The following ATM variants were observed in gnomAD, a reference collection of about 807,000 sequenced individuals.
The protein encoded by ATM is serine-protein kinase ATM.
In ATM, 308 loss-of-function variants were observed where a neutral mutation model predicts 387.0. That is an observed-to-expected ratio of 0.80 (90% confidence interval 0.73 to 0.87). The LOEUF is 0.87. ATM is among the 40% of genes least tolerant of loss of function. The probability of loss-of-function intolerance (pLI) is 0.00; values close to 1 mark genes in which losing one functional copy is unlikely to be tolerated. For missense variants in ATM, 3,312 were observed against 3,560.9 expected (o/e 0.93, Z 1.78); for synonymous variants, 1,156 against 1,187.3 (o/e 0.97, Z 0.54).
intron 9 of ATM, 96 bp from the exon 10 acceptor site, chr11:108,250,605 A>T (rs1261026516): frequency 6.9e-6 from 9 of 1,302,900 alleles, no homozygotes; most frequent in Non-Finnish European, 9.7e-6. Flanking sequence ...TGATTCTCTA[A>T]TTAGGATATT....
intron 47 of ATM, among the ~76,000 whole-genome samples, chr11:108,327,110 G>A (rs1427353194): frequency 1.3e-5 from 2 of 152,182 alleles, no homozygotes; most frequent in Non-Finnish European, 1.5e-5. Flanking sequence ...TTACAGGCGT[G>A]AGCCACCACG....
At chr11:108,250,164 ATT>A (rs914476071) in intron 9 of ATM, among the ~76,000 whole-genome samples, 7 of 126,710 alleles carry the variant, frequency 5.5e-5, no homozygotes, top group African/African-American at 2.2e-4. Context: ...ATATATATAT[ATT>A]TTCTGAGACG....
chr11:108,367,334 T>A lies in ATM; in HGVS notation c.*1826T>A. On this transcript the variant is annotated 3_prime_UTR_variant, in exon 63 of 63. Coordinates refer to ENST00000675843, the MANE Select transcript of ATM (RefSeq NM_000051.4). The stretch of plus-strand genomic sequence containing the variant: ...TAAGGATTTCCCCTTTCTTGTAAGT[T>A]CTGCTATGTATTTAAAAGAATGTTT... 5.4e-6 allele frequency: 1 copy of A among 184,960 alleles called. No homozygotes were observed. The highest frequency in any genetic ancestry group is 1.1e-5 in the Non-Finnish European group (1 of 87,226). The allele number at this position is 184,960 out of a possible 1,614,324, so 11.5% of individuals were successfully genotyped here. A position where few individuals can be genotyped will look rare whatever the true frequency, so the allele number is the denominator to read the frequency against.
chr11:108,340,261 CAT>C (rs1470422979), intron 56 of ATM: 1 of 152,198 alleles, frequency 6.6e-6, no homozygotes. Flanking sequence ...GTTACCAACT[CAT>C]GGACAATTTT....
chr11:108,314,537 C>T (rs1446002560), intron 40 of ATM, among the ~76,000 whole-genome samples: 3 of 151,738 alleles, frequency 2.0e-5, no homozygotes, highest in Admixed American at 6.6e-5. Context: ...CAATTCTTCT[C>T]GGGTAGACTA....
intron 54 of ATM, among the ~76,000 whole-genome samples, chr11:108,334,703 T>C (rs1040792955): frequency 2.0e-5 from 3 of 152,196 alleles, no homozygotes; most frequent in Non-Finnish European, 4.4e-5. Context: ...GAAAACTCCT[T>C]CTACTGTTTT....
At chr11:108,342,424 A>AATAT (rs980530405) in intron 56 of ATM, among the ~76,000 whole-genome samples, 9 of 152,346 alleles carry the variant, frequency 5.9e-5, no homozygotes, top group African/African-American at 2.2e-4. Flanking sequence ...ATATACATAT[A>AATAT]GTATCCTAAT....
intron 4 of ATM, among the ~76,000 whole-genome samples, chr11:108,233,750 C>T (rs538201898): frequency 2.0e-5 from 3 of 151,894 alleles, no homozygotes; most frequent in South Asian, 4.2e-4. Context: ...GGGAGGCTGA[C>T]ATGGGTAGAT....
intron 18 of ATM, 55 bp downstream of exon 18, chr11:108,268,664 A>T: frequency 6.5e-7 from 1 of 1,543,882 alleles, no homozygotes; most frequent in Non-Finnish European, 8.9e-7. Flanking sequence ...TGCTGACTAA[A>T]TGTAATGAGT....
At position 108,260,392 on chromosome 11, in the gene ATM, A is replaced by G. The variant is rs923985045; in HGVS notation, c.2466+1317A>G. Among the ~76,000 whole-genome samples, 13 of 152,304 alleles carry G rather than the reference A, an allele frequency of 8.5e-5. 1 individual carries two copies. In the South Asian group the frequency reaches 2.7e-3, roughly 32 times the overall value. ...AGTGGTTTCTAGTTTTTTGGGTTACAAAGACTTCTGTGGTACAGATTATTG... is the reference window on the plus strand; with the variant it reads ...AGTGGTTTCTAGTTTTTTGGGTTACGAAGACTTCTGTGGTACAGATTATTG... On this transcript the variant is annotated intron_variant, in intron 16 of 62. Coordinates refer to ENST00000675843, the MANE Select transcript of ATM (RefSeq NM_000051.4).
intron 42 of ATM, among the ~76,000 whole-genome samples, chr11:108,316,909 G>T (rs2084713051): frequency 6.6e-6 from 1 of 151,842 alleles, no homozygotes; most frequent in Non-Finnish European, 1.5e-5. Context: ...CTGGGCAATA[G>T]AGCGAGACTC....
intron 31 of ATM, 33 bp downstream of exon 31, chr11:108,293,510 T>C: frequency 1.3e-6 from 2 of 1,546,190 alleles, no homozygotes; most frequent in Non-Finnish European, 1.8e-6. Flanking sequence ...CTATTTTTTA[T>C]TAGAGAACAT....
rs1354553262 is a variant in ATM at position 108,229,500 on chromosome 11, T to A, written c.331+177T>A. ...ATTTTTATTTTTATTAAAAGGTTTT[T>A]TTTTAGGGCTAGTCAAGTGAAGCAG... is the stretch of plus-strand genomic sequence containing the variant. On this transcript the variant is annotated intron_variant, in intron 4 of 62. Transcript: ENST00000675843. 1.5e-5 allele frequency: 9 copies of A among 612,868 alleles called. No individual in the cohort carries two copies. The Middle Eastern group carries it at 1.4e-3, about 95-fold the overall frequency. 38.0% of individuals were successfully genotyped at this position (612,868 alleles called of 1,614,324 possible).
chr11:108,246,267 CTT>C (rs4987925), intron 7 of ATM, among the ~76,000 whole-genome samples: 53 of 152,252 alleles, frequency 3.5e-4, no homozygotes, highest in Admixed American at 2.2e-3. Context: ...TTACTCACCT[CTT>C]ATCTCCAGGA....
intron 37 of ATM, among the ~76,000 whole-genome samples, chr11:108,306,375 C>G (rs887718895): frequency 6.6e-6 from 1 of 151,990 alleles, no homozygotes; most frequent in African/African-American, 2.4e-5. Flanking sequence ...AAATGTATCT[C>G]TTATCTTTAA....
At chr11:108,234,579 A>G (rs2079176149) in intron 4 of ATM, among the ~76,000 whole-genome samples, 1 of 152,194 alleles carries the variant, frequency 6.6e-6, no homozygotes, top group African/African-American at 2.4e-5. Context: ...GCTCATACCT[A>G]TAGTCTCAGC....
At chr11:108,313,290 C>A (rs183920006) in intron 40 of ATM, among the ~76,000 whole-genome samples, 3 of 152,288 alleles carry the variant, frequency 2.0e-5, no homozygotes, top group Admixed American at 2.0e-4. Flanking sequence ...TAAAAATTCC[C>A]TTTCTCACAA....
rs1027667991 is a variant in ATM, at chr11:108,354,891, G to C, written c.8850+17G>C. The C allele has an allele frequency of 6.2e-7, 1 of 1,600,176 alleles. No individual in the cohort carries two copies. Among genetic ancestry groups the C allele is most frequent in the Non-Finnish European group, 8.6e-7 (1 of 1,167,520 alleles). The stretch of plus-strand genomic sequence containing the variant: ...ATTGTAGAGGTAAAGTATTTTATAA[G>C]GAAGACTTTATTTTTTTTCTTACCA... On this transcript the variant is annotated intron_variant, in intron 61 of 62. Transcript: ENST00000675843.
rs2137282809 is a variant in ATM at position 108,353,748 on chromosome 11, C to T, written c.8672-18C>T. 6.4e-7 allele frequency: 1 copy of T among 1,569,404 alleles called. No individual in the cohort carries two copies. The highest frequency in any genetic ancestry group is 8.8e-7 in the Non-Finnish European group (1 of 1,139,350). On this transcript the variant is annotated intron_variant, in intron 59 of 62. Coordinates refer to ENST00000675843, the MANE Select transcript of ATM (RefSeq NM_000051.4). ...TTAGCTGTCAAACCTCCTAACTTCACTGTATTCTTTACTTTAGGTGTTGCT... is the reference window on the plus strand; with the variant it reads ...TTAGCTGTCAAACCTCCTAACTTCATTGTATTCTTTACTTTAGGTGTTGCT...
Sources: allele counts gnomAD v4.1 joint callset (sites outside exome capture counted in the v4.1 genomes callset), GRCh38; gene constraint gnomAD v4.1.1; transcripts MANE v1.5; gene names NCBI Gene and HGNC (gene_info 2026-07-23, HGNC 2026-07-21).